Variants in ITGA8 observed in about 807,000 individuals in gnomAD.
ITGA8 encodes the protein integrin subunit alpha 8.
In ITGA8, 91 loss-of-function variants were observed where a neutral mutation model predicts 142.3. That is an observed-to-expected ratio of 0.64 (90% CI 0.54 to 0.76). The LOEUF (loss-of-function observed/expected upper bound fraction) is 0.76, where lower values mean the gene tolerates loss of function less well. Ranked by LOEUF, ITGA8 falls within the 30% of genes least tolerant of loss-of-function variation. ITGA8 has a pLI of 0.00. For synonymous variants in ITGA8, 505 were observed against 485.2 expected (o/e 1.04, Z -0.54); for missense variants, 1,406 against 1,327.7 (o/e 1.06, Z -0.92).
intron 11 of ITGA8, among the ~76,000 whole-genome samples, chr10:15,654,080 C>A (rs1052519472): frequency 6.6e-6 from 1 of 152,188 alleles, no homozygotes; most frequent in Non-Finnish European, 1.5e-5. Context: ...AGGTGATCCA[C>A]CCGCCTCAGC....
Position 15,601,921 on chromosome 10 carries a change from A to G in ITGA8, c.2118+2287T>C, listed in dbSNP as rs115973236. ...AAATTAGAATGTGGCTTAGTCACGT[A>G]AAATTCAAAGACTGAGTGAAGTCTC... On this transcript the variant is annotated intron_variant, in intron 20 of 29. Coordinates refer to ENST00000378076, the MANE Select transcript of ITGA8 (RefSeq NM_003638.3). Among the ~76,000 whole-genome samples the G allele has an allele frequency of 6.1e-3, 927 of 152,364 alleles. 7 individuals carry two copies. Among genetic ancestry groups the G allele is most frequent in the African/African-American group, 0.021 (891 of 41,586 alleles).
intron 20 of ITGA8, among the ~76,000 whole-genome samples, chr10:15,599,431 T>G (rs1331252922): frequency 6.6e-6 from 1 of 152,110 alleles, no homozygotes; most frequent in African/African-American, 2.4e-5. Flanking sequence ...TCTTAATTAT[T>G]TTAACAACGT....
chr10:15,661,280 A>C (rs886485527), intron 8 of ITGA8, among the ~76,000 whole-genome samples: 2 of 152,200 alleles, frequency 1.3e-5, no homozygotes, highest in Non-Finnish European at 2.9e-5. Flanking sequence ...CAGGGGATCT[A>C]GGTTGCACGC....
At chr10:15,589,304 G>T (rs536132194) in intron 22 of ITGA8, among the ~76,000 whole-genome samples, 3 of 152,204 alleles carry the variant, frequency 2.0e-5, no homozygotes, top group East Asian at 1.9e-4. Flanking sequence ...AGATAACACA[G>T]TATTCATCTC....
chr10:15,702,525 A>G (rs1174240610), intron 2 of ITGA8, among the ~76,000 whole-genome samples: 2 of 152,120 alleles, frequency 1.3e-5, no homozygotes, highest in Non-Finnish European at 2.9e-5. Context: ...TCCTGACCTC[A>G]GGTGATTCAC....
chr10:15,570,712 A>C (rs571074588), intron 25 of ITGA8, among the ~76,000 whole-genome samples: 4 of 152,228 alleles, frequency 2.6e-5, no homozygotes, highest in African/African-American at 9.6e-5. Context: ...GTCAACATTT[A>C]AGACAAGTCA....
chr10:15,671,532 A>G, intron 8 of ITGA8, 71 bp downstream of exon 8: 1 of 1,294,708 alleles, frequency 7.7e-7, no homozygotes, highest in Non-Finnish European at 1.1e-6. Flanking sequence ...CATTGATAGA[A>G]AAAACTTTAT....
rs376150408 is a variant in ITGA8, at chr10:15,715,844, G to T, written c.343+2922C>A. Among the ~76,000 whole-genome samples, 234 of 152,342 alleles carry T rather than the reference G, an allele frequency of 1.5e-3. 1 individual carries two copies. The highest frequency in any genetic ancestry group is 5.2e-3 in the African/African-American group (218 of 41,590). ...TTGCATCAAGTAGCTGCCACTGCCA[G>T]TTCCACTATCTGAGGGTATAAGGAC... On this transcript the variant is annotated intron_variant, in intron 2 of 29. Transcript: ENST00000378076.
chr10:15,690,313 G>A (rs940947239), intron 2 of ITGA8, among the ~76,000 whole-genome samples: 1 of 152,106 alleles, frequency 6.6e-6, no homozygotes, highest in African/African-American at 2.4e-5. Flanking sequence ...AACCTGAATT[G>A]CAGCTGTGCC....
intron 10 of ITGA8, among the ~76,000 whole-genome samples, chr10:15,656,011 G>A (rs568323237): frequency 1.4e-4 from 21 of 151,948 alleles, no homozygotes; most frequent in Non-Finnish European, 2.8e-4. Flanking sequence ...CTGAGCCTGG[G>A]GAGGTCAAGG....
At chr10:15,717,973 CAT>C (rs1431296527) in intron 2 of ITGA8, among the ~76,000 whole-genome samples, 1 of 152,206 alleles carries the variant, frequency 6.6e-6, no homozygotes, top group East Asian at 1.9e-4. Context: ...TTCAAGCTGA[CAT>C]ATTCGCATTT....
At position 15,684,012 on chromosome 10, in the gene ITGA8, C is replaced by A. The variant is rs1834789927; in HGVS notation, c.560G>T (p.Cys187Phe). ...GAATAAAAGTTGCTTACTGTTCCGGCAAGGAGAGAACTCGGCATAGGCGCT... is the reference window on the plus strand; with the variant it reads ...GAATAAAAGTTGCTTACTGTTCCGGAAAGGAGAGAACTCGGCATAGGCGCT... ...NFSAYAEFSP[C>F]RNSNADPEGQ... Residue 187 changes from cysteine (C) to phenylalanine (F), a missense_variant, in exon 4 of 30, where the codon TGC (cysteine) becomes TTC (phenylalanine). By Grantham distance (205) the Cys-to-Phe change is radical (BLOSUM62 -2). Coordinates refer to ENST00000378076, the MANE Select transcript of ITGA8 (RefSeq NM_003638.3). The A allele has an allele frequency of 7.4e-6, 12 of 1,614,054 alleles. No homozygotes were observed. Among genetic ancestry groups the A allele is most frequent in the Non-Finnish European group, 1.0e-5 (12 of 1,179,980 alleles).
At position 15,613,766 on chromosome 10, in the gene ITGA8, C is replaced by A. The variant is rs376893085; in HGVS notation, c.1447G>T (p.Ala483Ser). The part of the protein sequence containing the change: ...FGTGKVAVYR[A>S]RPVVTVDAQL... ...GCATCTACAGTCACAACCGGTCTTG[C>A]TCTGCGGGGAGAAAATGCAGGGTTT... The change falls in exon 15 of 30, where the codon GCA becomes TCA. Residue 483 changes from alanine to serine, a missense_variant and splice_region_variant. Coordinates refer to ENST00000378076, the MANE Select transcript of ITGA8 (RefSeq NM_003638.3). The A allele has an allele frequency of 1.2e-6, 2 of 1,608,746 alleles. No individual in the cohort carries two copies. The highest frequency in any genetic ancestry group is 1.6e-4 in the Middle Eastern group (1 of 6,068).
At position 15,513,954 on chromosome 10, in the gene ITGA8, T is replaced by C. The variant is rs1588618338; in HGVS notation, c.*3204A>G. On this transcript the variant is annotated 3_prime_UTR_variant, in exon 30 of 30. Coordinates refer to ENST00000378076, the MANE Select transcript of ITGA8 (RefSeq NM_003638.3). ...AATAAACCGAAAGTATGCCATCAAG[T>C]CTTTCAGTTTTAATTTTATTAGTGA... 1 of 152,176 alleles carries C rather than the reference T, an allele frequency of 6.6e-6. No homozygotes were observed. Among genetic ancestry groups the C allele is most frequent in the Admixed American group, 6.5e-5 (1 of 15,284 alleles). 9.4% of individuals were successfully genotyped at this position (152,176 alleles called of 1,614,324 possible).
At chr10:15,657,060 C>T (rs756749664) in intron 10 of ITGA8, among the ~76,000 whole-genome samples, 1 of 152,180 alleles carries the variant, frequency 6.6e-6, no homozygotes, top group Non-Finnish European at 1.5e-5. Context: ...TAGTGAAATT[C>T]TTTCTCTTGA....
chr10:15,590,470 C>A (rs140261643), intron 22 of ITGA8, among the ~76,000 whole-genome samples: 2 of 152,232 alleles, frequency 1.3e-5, no homozygotes, highest in African/African-American at 2.4e-5. Flanking sequence ...GACTTCTTTT[C>A]TATATAAAGG....
intron 8 of ITGA8, among the ~76,000 whole-genome samples, chr10:15,667,387 C>T (rs11499190): frequency 0.077 from 11,676 of 151,514 alleles, 532 homozygotes; most frequent in Non-Finnish European, 0.095. Context: ...TTTTTTATTG[C>T]GTCTATTTGA....
rs180736265 is a variant in ITGA8, at chr10:15,539,574, A to G, written c.2881-8423T>C. ...TTTGGACTTGTCTCTGTTCCCTGAG[A>G]TCCTGAATTGTCTGCCTTATGGAAC... On this transcript the variant is annotated intron_variant, in intron 27 of 29. Transcript: ENST00000378076. 2.6e-5 allele frequency among the ~76,000 whole-genome samples: 4 copies of G among 152,290 alleles called. No individual in the cohort carries two copies. The South Asian group carries it at 8.3e-4, about 32-fold the overall frequency.
Position 15,675,875 on chromosome 10 carries a change from T to C in ITGA8, c.676+1717A>G, listed in dbSNP as rs146539951. Among the ~76,000 whole-genome samples, 1,020 of 152,312 alleles carry C rather than the reference T, an allele frequency of 6.7e-3. 8 individuals are homozygous for C. The highest frequency in any genetic ancestry group is 0.023 in the African/African-American group (955 of 41,566). On this transcript the variant is annotated intron_variant, in intron 6 of 29. Coordinates refer to ENST00000378076, the MANE Select transcript of ITGA8 (RefSeq NM_003638.3). ...CTGAATAAAATTTTAAATTTCTATG[T>C]CTCAGACAAATGCTTGTATATGCCA...
Sources: gnomAD v4.1 joint callset for allele counts (sites outside exome capture counted in the v4.1 genomes callset) on GRCh38, gnomAD v4.1.1 for gene constraint, MANE v1.5 for transcripts, NCBI Gene and HGNC (gene_info 2026-07-23, HGNC 2026-07-21) for gene names.